Variants in GRIN2A observed in about 807,000 individuals in gnomAD.
GRIN2A encodes glutamate receptor ionotropic, NMDA 2A.
GRIN2A carries 22 observed loss-of-function variants against 113.4 expected under a neutral mutation model. The ratio of observed to expected loss-of-function variants is 0.19; its 90% CI spans 0.14 to 0.28. GRIN2A has a LOEUF of 0.28. GRIN2A is among the 10% of genes least tolerant of loss of function. The pLI is 1.00. For synonymous variants in GRIN2A, 827 were observed against 738.4 expected (o/e 1.12, Z -1.94); for missense variants, 1,502 against 1,887.0 (o/e 0.80, Z 3.78).
At chr16:9,788,398 T>C (rs9938782) in intron 11 of GRIN2A, among the ~76,000 whole-genome samples, 56,863 of 151,362 alleles carry the variant, frequency 0.38, 11,574 homozygotes, top group African/African-American at 0.55. Flanking sequence ...GCTGGGATTA[T>C]AGGTACCTAC....
chr16:9,876,493 G>A (rs572525478), intron 4 of GRIN2A, among the ~76,000 whole-genome samples: 3 of 152,200 alleles, frequency 2.0e-5, no homozygotes, highest in South Asian at 4.2e-4. Context: ...CCATACACTA[G>A]CGTTGGCCTC....
At chr16:10,009,147 T>G (rs1486585340) in intron 2 of GRIN2A, among the ~76,000 whole-genome samples, 1 of 152,196 alleles carries the variant, frequency 6.6e-6, no homozygotes, top group Non-Finnish European at 1.5e-5. Context: ...GAAGGTGATT[T>G]TGAAAGGCTT....
chr16:10,032,928 T>C (rs1402407124), intron 2 of GRIN2A, among the ~76,000 whole-genome samples: 6 of 152,148 alleles, frequency 3.9e-5, no homozygotes, highest in Non-Finnish European at 7.3e-5. Context: ...CTTGTGTCCA[T>C]ATATCCAGTG....
intron 7 of GRIN2A, among the ~76,000 whole-genome samples, chr16:9,836,143 T>C (rs971042577): frequency 2.0e-5 from 3 of 152,214 alleles, no homozygotes; most frequent in Admixed American, 1.3e-4. Flanking sequence ...GATAAAATAA[T>C]TCTCCGAGTT....
intron 3 of GRIN2A, among the ~76,000 whole-genome samples, chr16:9,927,894 A>G (rs1187573295): frequency 6.6e-6 from 1 of 152,222 alleles, no homozygotes; most frequent in Non-Finnish European, 1.5e-5. Context: ...ATCACATGGA[A>G]AACTGGGCAG....
chr16:9,961,946 G>T (rs971390058), intron 2 of GRIN2A, among the ~76,000 whole-genome samples: 1 of 152,152 alleles, frequency 6.6e-6, no homozygotes, highest in African/African-American at 2.4e-5. Context: ...AGAGCCCTCA[G>T]AAATAATACC....
At chr16:9,843,288 A>G (rs996660875) in intron 5 of GRIN2A, among the ~76,000 whole-genome samples, 3 of 152,288 alleles carry the variant, frequency 2.0e-5, no homozygotes, top group Non-Finnish European at 1.5e-5. Flanking sequence ...ATTGATTTAC[A>G]TGATATACAT....
chr16:10,142,710 A>G (rs2142260779), intron 2 of GRIN2A, among the ~76,000 whole-genome samples: 1 of 152,248 alleles, frequency 6.6e-6, no homozygotes, highest in South Asian at 2.1e-4. Flanking sequence ...AAAAACACAA[A>G]CAAATTTAAA....
intron 2 of GRIN2A, among the ~76,000 whole-genome samples, chr16:9,976,790 T>A (rs1158864303): frequency 6.6e-6 from 1 of 152,208 alleles, no homozygotes; most frequent in African/African-American, 2.4e-5. Flanking sequence ...CTGGCGTCAC[T>A]TGTAGATATA....
rs1464379817 is a variant in GRIN2A, at chr16:9,763,082, C to A, written c.*67G>T. On this transcript the variant is annotated 3_prime_UTR_variant, in exon 13 of 13. Coordinates refer to ENST00000330684, the MANE Select transcript of GRIN2A (RefSeq NM_001134407.3). ...TAGCAGGGCACTATTGGACATCCAA[C>A]ATTTACCCTCCAGAACATTGGCCAT... is the stretch of plus-strand genomic sequence containing the variant. 5.3e-6 allele frequency: 8 copies of A among 1,506,660 alleles called. No individual in the cohort carries two copies. Among genetic ancestry groups the A allele is most frequent in the South Asian group, 1.1e-5 (1 of 88,518 alleles). 93.3% of individuals were successfully genotyped at this position (1,506,660 alleles called of 1,614,324 possible).
At chr16:9,867,859 G>A (rs2141416721) in intron 4 of GRIN2A, among the ~76,000 whole-genome samples, 1 of 152,070 alleles carries the variant, frequency 6.6e-6, no homozygotes, top group Middle Eastern at 3.4e-3. Flanking sequence ...ACAGTCTCCA[G>A]TTATCACCTC....
At chr16:9,773,235 C>A (rs1901391627) in intron 11 of GRIN2A, among the ~76,000 whole-genome samples, 1 of 152,124 alleles carries the variant, frequency 6.6e-6, no homozygotes, top group Non-Finnish European at 1.5e-5. Context: ...GGCAGCATTG[C>A]AGAAGTGTTC....
intron 2 of GRIN2A, among the ~76,000 whole-genome samples, chr16:10,050,820 A>T (rs1329465064): frequency 2.0e-5 from 3 of 152,116 alleles, no homozygotes; most frequent in Non-Finnish European, 2.9e-5. Flanking sequence ...AGTGAATCAT[A>T]ATCTGAGAGT....
At chr16:9,866,170 C>A (rs1432343852) in intron 4 of GRIN2A, among the ~76,000 whole-genome samples, 8 of 152,094 alleles carry the variant, frequency 5.3e-5, no homozygotes, top group African/African-American at 1.9e-4. Flanking sequence ...ATTAATCATA[C>A]AATAAAACAG....
chr16:10,120,036 G>A lies in GRIN2A; in HGVS notation c.414+59962C>T, dbSNP rs74504863. 5.4e-3 allele frequency among the ~76,000 whole-genome samples: 819 copies of A among 152,276 alleles called. 4 individuals are homozygous for A. Among genetic ancestry groups the A allele is most frequent in the Non-Finnish European group, 9.9e-3 (672 of 68,008 alleles). On this transcript the variant is annotated intron_variant, in intron 2 of 12. Transcript: ENST00000330684. ...ATTTGCTATTGTGAATAGGGCTGCA[G>A]AATACATATGTATGCATATATCTTT...
intron 10 of GRIN2A, among the ~76,000 whole-genome samples, chr16:9,813,007 G>C (rs1429557822): frequency 6.6e-6 from 1 of 152,204 alleles, no homozygotes; most frequent in South Asian, 2.1e-4. Flanking sequence ...GCCTCAAACA[G>C]AACAAAGCAA....
chr16:10,094,164 T>C (rs1395255327), intron 2 of GRIN2A, among the ~76,000 whole-genome samples: 2 of 152,174 alleles, frequency 1.3e-5, no homozygotes, highest in Non-Finnish European at 2.9e-5. Flanking sequence ...GGAAAATGAC[T>C]GGGTCCCTGG....
At chr16:10,139,885 T>A (rs909948789) in intron 2 of GRIN2A, among the ~76,000 whole-genome samples, 1 of 152,076 alleles carries the variant, frequency 6.6e-6, no homozygotes, top group African/African-American at 2.4e-5. Context: ...TGGAGCACAG[T>A]GGCGCAATCT....
intron 2 of GRIN2A, among the ~76,000 whole-genome samples, chr16:10,144,084 C>T (rs1417827581): frequency 6.6e-6 from 1 of 152,040 alleles, no homozygotes; most frequent in Non-Finnish European, 1.5e-5. Flanking sequence ...GATTTCAATT[C>T]TTTGGGATAT....
Sources: allele counts gnomAD v4.1 joint callset (sites outside exome capture counted in the v4.1 genomes callset), GRCh38; gene constraint gnomAD v4.1.1; transcripts MANE v1.5; gene names NCBI Gene and HGNC (gene_info 2026-07-23, HGNC 2026-07-21).